PCNP: variants seen among roughly 807,000 people sequenced by gnomAD.
The protein encoded by PCNP is PEST proteolytic signal containing nuclear protein.
PCNP carries 6 observed loss-of-function variants against 21.8 expected under a neutral mutation model. That is an observed-to-expected ratio of 0.28 (90% CI 0.15 to 0.54). The LOEUF (loss-of-function observed/expected upper bound fraction) is 0.54, where lower values mean the gene tolerates loss of function less well. Among genes scored for constraint, PCNP ranks in the 20% least tolerant of loss-of-function variants. The pLI is 0.95. For synonymous variants in PCNP, 67 were observed against 73.2 expected (o/e 0.92, Z 0.43); for missense variants, 161 against 215.5 (o/e 0.75, Z 1.58).
In PCNP at chr3:101,582,694, G is replaced by C. The variant is rs138335755; in HGVS notation, c.279+2690G>C. 3.1e-3 allele frequency among the ~76,000 whole-genome samples: 469 copies of C among 152,324 alleles called. 2 individuals are homozygous for C. The highest frequency in any genetic ancestry group is 0.01 in the African/African-American group (417 of 41,578). On this transcript the variant is annotated intron_variant, in intron 2 of 4. Transcript: ENST00000265260. ...TTCAAAAGAAAACACTGTAAAAAAT[G>C]TGTGTGGTATAAAAGAAGGAATGGT...
chr3:101,581,099 C>T (rs1343208576), intron 2 of PCNP, among the ~76,000 whole-genome samples: 1 of 152,038 alleles, frequency 6.6e-6, no homozygotes, highest in Admixed American at 6.6e-5. Flanking sequence ...ACTTAGAATC[C>T]CCACCCTCAC....
At chr3:101,590,711 AT>A (rs11459723) in intron 4 of PCNP, among the ~76,000 whole-genome samples, 23 of 148,048 alleles carry the variant, frequency 1.6e-4, no homozygotes, top group African/African-American at 1.2e-4. Context: ...CACCCGGCTG[AT>A]TTTTTTTTTT....
At chr3:101,580,748 A>G (rs1376180394) in intron 2 of PCNP, among the ~76,000 whole-genome samples, 1 of 152,214 alleles carries the variant, frequency 6.6e-6, no homozygotes, top group Non-Finnish European at 1.5e-5. Flanking sequence ...AGTGTTTGAA[A>G]TATTAATTTG....
rs1252632479 is a variant in PCNP at position 101,582,126 on chromosome 3, CTTT to C, written c.279+2125_279+2127del. Reference sequence around the variant, plus strand: ...ATTTTGAAAAAACTACTCAGTAAAACTTTTTAGTTTTGGAAAACAAATCTGTTT... The same window carrying C: ...ATTTTGAAAAAACTACTCAGTAAAACTTAGTTTTGGAAAACAAATCTGTTT... On this transcript the variant is annotated intron_variant, in intron 2 of 4. Coordinates refer to ENST00000265260, the MANE Select transcript of PCNP (RefSeq NM_020357.3). Among the ~76,000 whole-genome samples, 14 of 149,578 alleles carry C rather than the reference CTTT, an allele frequency of 9.4e-5. No homozygotes were observed. In the South Asian group the frequency reaches 1.5e-3, roughly 16 times the overall value.
At chr3:101,574,111 C>T (rs918840951), upstream of PCNP, 6 of 1,444,820 alleles carry the variant, frequency 4.2e-6, no homozygotes, top group Non-Finnish European at 5.5e-6. Context: ...TTCCTCGGGA[C>T]CGCTCTAGGC....
At chr3:101,592,504 GC>G in intron 4 of PCNP, 122 bp from the exon 5 acceptor site, 1 of 688,158 alleles carries the variant, frequency 1.5e-6, no homozygotes, top group Non-Finnish European at 2.4e-6. Context: ...GCTCTGTAGG[GC>G]CTTCCAGTGT....
At chr3:101,574,314 A>C (rs1934737529) in intron 1 of PCNP, 35 bp downstream of exon 1, 1 of 1,209,700 alleles carries the variant, frequency 8.3e-7, no homozygotes, top group Non-Finnish European at 1.1e-6. Flanking sequence ...GCAGCGTGGG[A>C]TGCTCCGGGC....
chr3:101,583,713 TCTTGGCTCA>T (rs1468563611), intron 2 of PCNP, among the ~76,000 whole-genome samples: 1 of 152,008 alleles, frequency 6.6e-6, no homozygotes, highest in East Asian at 1.9e-4. Flanking sequence ...AAAGGTGTGA[TCTTGGCTCA>T]CTGCAACCTC....
chr3:101,592,243 G>A (rs561476917), intron 4 of PCNP, among the ~76,000 whole-genome samples: 2 of 151,728 alleles, frequency 1.3e-5, no homozygotes, highest in South Asian at 2.1e-4. Flanking sequence ...GCGTGATCTC[G>A]GCTCACTGCA....
intron 1 of PCNP, chr3:101,576,965 C>T (rs878950184): frequency 1.9e-5 from 23 of 1,197,262 alleles, no homozygotes; most frequent in Non-Finnish European, 2.7e-5. Context: ...GCACAAGCGG[C>T]GGCGTGTAGG....
chr3:101,582,528 CT>C (rs1935278746), intron 2 of PCNP, among the ~76,000 whole-genome samples: 1 of 152,156 alleles, frequency 6.6e-6, no homozygotes, highest in Non-Finnish European at 1.5e-5. Context: ...ATTGAAATTG[CT>C]GGATTGATTA....
chr3:101,590,085 T>C (rs1271154149), intron 3 of PCNP, 130 bp from the exon 4 acceptor site: 8 of 649,890 alleles, frequency 1.2e-5, no homozygotes, highest in Non-Finnish European at 2.2e-5. Flanking sequence ...ACTCACTAAT[T>C]TTCTCCTTTT....
intron 4 of PCNP, among the ~76,000 whole-genome samples, chr3:101,590,894 A>C (rs1302639471): frequency 6.7e-6 from 1 of 149,796 alleles, no homozygotes; most frequent in Non-Finnish European, 1.5e-5. Flanking sequence ...TCTGATTTCA[A>C]AATTTTTGCT....
Position 101,592,612 on chromosome 3 carries a change from T to A in PCNP, c.411-15T>A. 13 of 1,576,222 alleles carry A rather than the reference T, an allele frequency of 8.2e-6. No individual in the cohort carries two copies. Among genetic ancestry groups the A allele is most frequent in the Non-Finnish European group, 9.4e-6 (11 of 1,165,978 alleles). On this transcript the variant is annotated splice_polypyrimidine_tract_variant and intron_variant, in intron 4 of 4. Coordinates refer to ENST00000265260, the MANE Select transcript of PCNP (RefSeq NM_020357.3). Reference sequence around the variant, plus strand: ...TATATAACATTTTAAATAAATTTTCTTTCTTTTAACACAGGGATACACCAA... The same window carrying A: ...TATATAACATTTTAAATAAATTTTCATTCTTTTAACACAGGGATACACCAA...
Position 101,592,889 on chromosome 3 carries a change from A to G in PCNP, c.*136A>G, listed in dbSNP as rs1935891550. 1.0e-5 allele frequency: 6 copies of G among 585,036 alleles called. No individual in the cohort carries two copies. In the South Asian group the frequency reaches 2.2e-4, roughly 21 times the overall value. 36.2% of individuals were successfully genotyped at this position (585,036 alleles called of 1,614,324 possible). ...ATTTTTTTAAAAGATTGAGTGGTAC[A>G]CTAATAAATGAGAGTTTGAAATTAG... On this transcript the variant is annotated 3_prime_UTR_variant, in exon 5 of 5. Transcript: ENST00000265260.
chr3:101,576,512 C>T (rs1934900431), intron 1 of PCNP: 2 of 1,608,970 alleles, frequency 1.2e-6, no homozygotes, highest in Non-Finnish European at 1.7e-6. Context: ...GACACACCCA[C>T]GGTGCGGCCA....
chr3:101,583,384 G>T (rs1042374245), intron 2 of PCNP, among the ~76,000 whole-genome samples: 4 of 152,232 alleles, frequency 2.6e-5, no homozygotes, highest in African/African-American at 9.6e-5. Context: ...AACCCAGGAG[G>T]TGGAGGTTGT....
At chr3:101,591,510 A>C (rs1423987632) in intron 4 of PCNP, among the ~76,000 whole-genome samples, 3 of 152,216 alleles carry the variant, frequency 2.0e-5, no homozygotes, top group African/African-American at 7.2e-5. Flanking sequence ...TTTCATACTG[A>C]GCGTAAAGTA....
At position 101,592,719 on chromosome 3, in the gene PCNP, C is replaced by G. The variant is rs1340780014; in HGVS notation, c.503C>G (p.Ser168Cys). The change falls in exon 5 of 5, where the codon TCT becomes TGT. Residue 168 changes from serine (S) to cysteine (C), a missense_variant. Ser to Cys is a moderately radical substitution (Grantham distance 112). This residue lies in a region of PCNP where 66 missense variants were observed against 127.8 expected (regional missense o/e 0.52). Coordinates refer to ENST00000265260, the MANE Select transcript of PCNP (RefSeq NM_020357.3). ...NQKLWERNIK[S>C]HLGNVHDQDN ...AAGCTGTGGGAGCGAAATATAAAAT[C>G]TCATCTTGGAAATGTCCATGACCAA... The G allele has an allele frequency of 6.2e-7, 1 of 1,613,122 alleles. No homozygotes were observed. The highest frequency in any genetic ancestry group is 1.1e-5 in the South Asian group (1 of 90,974).
Sources: gnomAD v4.1 joint callset for allele counts (sites outside exome capture counted in the v4.1 genomes callset) on GRCh38, gnomAD v4.1.1 for gene constraint, gnomAD v4.1.1 regional missense constraint, MANE v1.5 for transcripts, NCBI Gene and HGNC (gene_info 2026-07-23, HGNC 2026-07-21) for gene names.